Variants in SWAP70 observed in about 807,000 individuals in gnomAD.
The protein encoded by SWAP70 is switching B cell complex subunit SWAP70, also known as switch-associated protein 70.
A neutral mutation model predicts 80.2 loss-of-function variants in SWAP70; 34 were observed. The ratio of observed to expected loss-of-function variants is 0.42; its 90% CI spans 0.32 to 0.56. The LOEUF is 0.56. Ranked by LOEUF, SWAP70 falls within the 20% of genes least tolerant of loss-of-function variation. The pLI is 0.09. For synonymous variants in SWAP70, 239 were observed against 238.5 expected (o/e 1.00, Z -0.02); for missense variants, 578 against 690.7 (o/e 0.84, Z 1.83).
intron 2 of SWAP70, among the ~76,000 whole-genome samples, chr11:9,699,896 T>G: frequency 6.7e-6 from 1 of 149,518 alleles, no homozygotes; most frequent in African/African-American, 2.5e-5. Flanking sequence ...ATATAGTCTC[T>G]AGATACAGAC....
At chr11:9,734,412 A>G (rs1851338288) in intron 7 of SWAP70, among the ~76,000 whole-genome samples, 1 of 152,206 alleles carries the variant, frequency 6.6e-6, no homozygotes, top group Non-Finnish European at 1.5e-5. Context: ...GCTCTGTATA[A>G]TGTGAAGAAG....
chr11:9,737,617 G>GCTTACAC (rs1383958428), intron 7 of SWAP70, among the ~76,000 whole-genome samples: 3 of 152,176 alleles, frequency 2.0e-5, no homozygotes, highest in Non-Finnish European at 4.4e-5. Context: ...CATGAATGTG[G>GCTTACAC]CTGGGCATGG....
intron 1 of SWAP70, among the ~76,000 whole-genome samples, chr11:9,664,671 G>A (rs931238176): frequency 2.0e-5 from 3 of 152,234 alleles, no homozygotes; most frequent in African/African-American, 7.2e-5. Flanking sequence ...TCTTACTCCA[G>A]GAGAGGAAGG....
At position 9,751,011 on chromosome 11, in the gene SWAP70, T is replaced by C. The variant is rs1423925007; in HGVS notation, c.*1041T>C. On this transcript the variant is annotated 3_prime_UTR_variant, in exon 12 of 12. Transcript: ENST00000318950. Reference sequence around the variant, plus strand: ...CTCTCGTACTCTCTCTAGTGAATGATGTGCTACCAAGTATATGCCAGGCTG... The same window carrying C: ...CTCTCGTACTCTCTCTAGTGAATGACGTGCTACCAAGTATATGCCAGGCTG... The C allele has an allele frequency of 6.6e-6, 1 of 152,250 alleles. No individual in the cohort carries two copies. The highest frequency in any genetic ancestry group is 1.5e-5 in the Non-Finnish European group (1 of 68,048). 9.4% of individuals were successfully genotyped at this position (152,250 alleles called of 1,614,324 possible).
chr11:9,748,400 G>C (rs1336592701), intron 10 of SWAP70, among the ~76,000 whole-genome samples: 1 of 152,254 alleles, frequency 6.6e-6, no homozygotes, highest in Non-Finnish European at 1.5e-5. Flanking sequence ...CAGGGAGGGA[G>C]TGGATCTGGA....
intron 1 of SWAP70, among the ~76,000 whole-genome samples, chr11:9,671,574 A>T (rs1210259625): frequency 1.0e-4 from 6 of 59,312 alleles, no homozygotes; most frequent in African/African-American, 3.4e-4. Context: ...ATATTTATAT[A>T]GAAATATATT....
chr11:9,687,811 G>A (rs1850650775), intron 1 of SWAP70, among the ~76,000 whole-genome samples: 1 of 152,122 alleles, frequency 6.6e-6, no homozygotes, highest in Non-Finnish European at 1.5e-5. Flanking sequence ...CTTCAATAAG[G>A]GAGGATATTT....
intron 6 of SWAP70, among the ~76,000 whole-genome samples, chr11:9,731,421 T>G (rs1328875898): frequency 7.9e-5 from 12 of 152,212 alleles, no homozygotes; most frequent in Admixed American, 7.9e-4. Flanking sequence ...AGTGCATTCT[T>G]CCCAGGGTTG....
At chr11:9,733,247 G>A (rs558193558) in intron 7 of SWAP70, among the ~76,000 whole-genome samples, 2 of 152,232 alleles carry the variant, frequency 1.3e-5, no homozygotes, top group South Asian at 2.1e-4. Context: ...ACACTTCCTC[G>A]GTTATGTCGT....
chr11:9,711,858 C>T (rs926796458), intron 2 of SWAP70, among the ~76,000 whole-genome samples: 2 of 152,150 alleles, frequency 1.3e-5, no homozygotes, highest in Non-Finnish European at 2.9e-5. Context: ...CAAGGTGGTT[C>T]CTGTTACTTG....
Position 9,738,283 on chromosome 11 carries a change from A to C in SWAP70, c.1151A>C (p.Gln384Pro), listed in dbSNP as rs1252908613. ...KKRLQTQVEL[Q>P]ARFSTELERE... is the part of the protein sequence containing the mutation. ...CGCCTTCAGACTCAAGTGGAACTTC[A>C]GGCCAGGTTCAGCACAGAGCTGGAA... is the stretch of plus-strand genomic sequence containing the variant. The change falls in exon 8 of 12, where the codon CAG (glutamine) becomes CCG (proline). Residue 384 changes from glutamine (Q) to proline (P), a missense_variant. Transcript: ENST00000318950. The C allele has an allele frequency of 5.0e-6, 8 of 1,610,950 alleles. No homozygotes were observed. The highest frequency in any genetic ancestry group is 6.8e-6 in the Non-Finnish European group (8 of 1,178,634).
chr11:9,666,782 T>G (rs1368218383), intron 1 of SWAP70, among the ~76,000 whole-genome samples: 1 of 148,234 alleles, frequency 6.7e-6, no homozygotes, highest in Non-Finnish European at 1.5e-5. Context: ...TAGAGTGCAG[T>G]GGTGTGATCT....
chr11:9,682,710 T>G (rs971225606), intron 1 of SWAP70, among the ~76,000 whole-genome samples: 1 of 152,208 alleles, frequency 6.6e-6, no homozygotes, highest in African/African-American at 2.4e-5. Context: ...AGGGTCTTCG[T>G]CTGTTGCCCA....
At chr11:9,667,809 C>A (rs986123982) in intron 1 of SWAP70, among the ~76,000 whole-genome samples, 15 of 152,222 alleles carry the variant, frequency 9.9e-5, no homozygotes, top group African/African-American at 3.6e-4. Flanking sequence ...TATATGCCTG[C>A]CTCAGCCTCT....
chr11:9,686,443 C>T (rs1468965190), intron 1 of SWAP70, among the ~76,000 whole-genome samples: 1 of 151,946 alleles, frequency 6.6e-6, no homozygotes, highest in African/African-American at 2.4e-5. Context: ...TCACTGCAGC[C>T]TCAACCTCCT....
intron 3 of SWAP70, chr11:9,720,506 T>C (rs563119171): frequency 1.6e-5 from 16 of 985,008 alleles, no homozygotes; most frequent in Admixed American, 6.1e-5. Context: ...GAGCTAAGGC[T>C]GATTCTTGAC....
At chr11:9,701,393 A>G (rs1850829602) in intron 2 of SWAP70, among the ~76,000 whole-genome samples, 1 of 151,910 alleles carries the variant, frequency 6.6e-6, no homozygotes, top group African/African-American at 2.4e-5. Flanking sequence ...GCTGGTCTTG[A>G]ACTCCTGACC....
rs576761033 is a variant in SWAP70, at chr11:9,716,121, A to C, written c.414+2482A>C. On this transcript the variant is annotated intron_variant, in intron 3 of 11. Coordinates refer to ENST00000318950, the MANE Select transcript of SWAP70 (RefSeq NM_015055.4). Reference sequence around the variant, plus strand: ...CTGGAACATGATGGCTGTGAAGAAGATAGGCGGTAGATGAAGCTGGAGAGT... The same window carrying C: ...CTGGAACATGATGGCTGTGAAGAAGCTAGGCGGTAGATGAAGCTGGAGAGT... Among the ~76,000 whole-genome samples, 21 of 152,336 alleles carry C rather than the reference A, an allele frequency of 1.4e-4. No individual in the cohort carries two copies. The South Asian group carries it at 1.7e-3, about 12-fold the overall frequency.
chr11:9,717,255 T>C (rs1020201460), intron 3 of SWAP70, among the ~76,000 whole-genome samples: 1 of 152,204 alleles, frequency 6.6e-6, no homozygotes, highest in Non-Finnish European at 1.5e-5. Flanking sequence ...CAGAGGTGTA[T>C]AGAAGGGAAT....
Sources: gnomAD v4.1 joint callset for allele counts (sites outside exome capture counted in the v4.1 genomes callset) on GRCh38, gnomAD v4.1.1 for gene constraint, MANE v1.5 for transcripts, NCBI Gene and HGNC (gene_info 2026-07-23, HGNC 2026-07-21) for gene names.